UBA2: variants seen among roughly 807,000 people sequenced by gnomAD.
UBA2 encodes ubiquitin like modifier activating enzyme 2.
Under a neutral mutation model 77.2 loss-of-function variants are expected in UBA2, and 11 were observed. The observed-to-expected ratio is 0.14, with a 90% CI of 0.09 to 0.24. The LOEUF (loss-of-function observed/expected upper bound fraction) is 0.24. UBA2 is among the 10% of genes least tolerant of loss of function. The pLI is 1.00. For synonymous variants in UBA2, 278 were observed against 276.7 expected, an observed-to-expected ratio of 1.00 and a Z score of -0.05; for missense variants, 487 against 781.7, an observed-to-expected ratio of 0.62 and a Z score of 4.50.
chr19:34,447,177 T>G (rs1389304127), intron 8 of UBA2, among the ~76,000 whole-genome samples: 2 of 152,136 alleles, frequency 1.3e-5, no homozygotes, highest in Non-Finnish European at 2.9e-5. Context: ...GGGAGAAAGA[T>G]GTAGGCTGGG....
chr19:34,431,092 C>T (rs947841208), intron 2 of UBA2, among the ~76,000 whole-genome samples: 5 of 152,030 alleles, frequency 3.3e-5, no homozygotes, highest in Non-Finnish European at 5.9e-5. Context: ...TGCCTGTCTC[C>T]CAACCTGTTT....
At chr19:34,459,075 G>A in intron 13 of UBA2, 151 bp downstream of exon 13, 1 of 804,126 alleles carries the variant, frequency 1.2e-6, no homozygotes, top group South Asian at 2.6e-5. Context: ...ATTCCTGCAG[G>A]CTTTTCTGTC....
At chr19:34,447,237 T>C (rs2075442004) in intron 8 of UBA2, among the ~76,000 whole-genome samples, 1 of 152,176 alleles carries the variant, frequency 6.6e-6, no homozygotes, top group Admixed American at 6.5e-5. Flanking sequence ...CTGTATATTC[T>C]GGCCTCAATG....
chr19:34,446,397 G>A (rs2075430596), intron 8 of UBA2, among the ~76,000 whole-genome samples: 3 of 152,280 alleles, frequency 2.0e-5, no homozygotes, highest in South Asian at 4.1e-4. Context: ...ACTTTTGCAT[G>A]TGGTGTTTTG....
At chr19:34,449,972 T>C (rs1372792972) in intron 8 of UBA2, among the ~76,000 whole-genome samples, 1 of 152,174 alleles carries the variant, frequency 6.6e-6, no homozygotes, top group Non-Finnish European at 1.5e-5. Context: ...TGGAGCTAAA[T>C]TTAGGGAAGC....
chr19:34,438,135 T>C (rs2075329884), intron 5 of UBA2, among the ~76,000 whole-genome samples: 4 of 151,758 alleles, frequency 2.6e-5, no homozygotes, highest in African/African-American at 4.8e-5. Flanking sequence ...TAGGGAGATA[T>C]ATCTTGAAAT....
At chr19:34,462,589 C>T (rs964321804) in intron 14 of UBA2, among the ~76,000 whole-genome samples, 2 of 151,602 alleles carry the variant, frequency 1.3e-5, no homozygotes, top group East Asian at 1.9e-4. Context: ...TAGGGAAAGG[C>T]GTTCTAAGCG....
At chr19:34,458,558 CAAAAAAAAAAAAAAAAA>C (rs60349858) in intron 12 of UBA2, among the ~76,000 whole-genome samples, 194 bp from the exon 13 acceptor site, 33 of 60,634 alleles carry the variant, frequency 5.4e-4, no homozygotes, top group African/African-American at 1.1e-3. Flanking sequence ...GACTCCGTCT[CAAAAAAAAAAAAAAAAA>C]AAAAAAAAAA....
intron 16 of UBA2, 121 bp from the exon 17 acceptor site, chr19:34,468,919 C>A: frequency 1.0e-5 from 7 of 690,622 alleles, no homozygotes; most frequent in Admixed American, 3.8e-5. Flanking sequence ...AGTGAAAATG[C>A]AGCCATTCTT....
intron 16 of UBA2, 139 bp from the exon 17 acceptor site, chr19:34,468,901 A>G (rs1310658017): frequency 8.2e-6 from 5 of 610,882 alleles, no homozygotes; most frequent in Non-Finnish European, 1.3e-5. Flanking sequence ...GAAATACGTA[A>G]TGTGTAAAGT....
At chr19:34,463,778 A>G (rs1555731873) in intron 14 of UBA2, among the ~76,000 whole-genome samples, 1 of 152,066 alleles carries the variant, frequency 6.6e-6, no homozygotes, top group Non-Finnish European at 1.5e-5. Flanking sequence ...TCCTCCTCCT[A>G]TAAGGACATC....
In UBA2 at chr19:34,431,911, C is replaced by T. The variant is rs760010760; in HGVS notation, c.273C>T (p.Ala91=). The T allele has an allele frequency of 2.5e-6, 4 of 1,613,694 alleles. No individual in the cohort carries two copies. The highest frequency in any genetic ancestry group is 1.7e-4 in the Middle Eastern group (1 of 6,058). ...LQFYPKANIV[A]YHDSIMNPDY... ...TTTACCCGAAAGCTAATATCGTTGC[C>T]TACCATGACAGCATCATGAAGTATG... is the stretch of plus-strand genomic sequence containing the variant. Residue 91 remains alanine, a synonymous_variant, in exon 3 of 17, where the codon GCC becomes GCT. Transcript: ENST00000246548.
At position 34,460,449 on chromosome 19, in the gene UBA2, TC is replaced by T; in HGVS notation, c.1402-19del. Reference sequence around the variant, plus strand: ...TAATTACCTACGTTAATATTTTGAATCCTTTTTTTTTTTTTTGTAGATAGTG... The same window carrying T: ...TAATTACCTACGTTAATATTTTGAATCTTTTTTTTTTTTTTGTAGATAGTG... On this transcript the variant is annotated intron_variant, in intron 13 of 16. Coordinates refer to ENST00000246548, the MANE Select transcript of UBA2 (RefSeq NM_005499.3). 2.8e-6 allele frequency: 4 copies of T among 1,405,422 alleles called. No homozygotes were observed. Among genetic ancestry groups the T allele is most frequent in the South Asian group, 1.3e-5 (1 of 78,532 alleles). 87.1% of individuals were successfully genotyped at this position (1,405,422 alleles called of 1,614,324 possible).
chr19:34,467,141 T>C, intron 16 of UBA2, 127 bp downstream of exon 16: 4 of 1,154,560 alleles, frequency 3.5e-6, no homozygotes, highest in Non-Finnish European at 3.6e-6. Context: ...TTGGTATTGA[T>C]TGTTGTAATG....
intron 16 of UBA2, among the ~76,000 whole-genome samples, chr19:34,467,527 C>T (rs928322589): frequency 2.0e-5 from 3 of 151,360 alleles, no homozygotes; most frequent in South Asian, 4.2e-4. Flanking sequence ...GTAACCCCAA[C>T]GCTTTGGGAG....
At chr19:34,454,014 G>A (rs537286720) in intron 10 of UBA2, among the ~76,000 whole-genome samples, 2 of 152,154 alleles carry the variant, frequency 1.3e-5, no homozygotes, top group East Asian at 1.9e-4. Flanking sequence ...CTAGAAGCTG[G>A]TGATTCTTGG....
chr19:34,454,363 T>G lies in UBA2; in HGVS notation c.1132+10T>G. 6.2e-7 allele frequency: 1 copy of G among 1,606,320 alleles called. No individual in the cohort carries two copies. Among genetic ancestry groups the G allele is most frequent in the East Asian group, 2.2e-5 (1 of 44,788 alleles). ...AGATTTGATATCAAATGTAAGTTAT[T>G]TGTACTAAAGTTGTATCACTAAAAC... On this transcript the variant is annotated intron_variant, in intron 11 of 16. Coordinates refer to ENST00000246548, the MANE Select transcript of UBA2 (RefSeq NM_005499.3).
intron 5 of UBA2, among the ~76,000 whole-genome samples, chr19:34,435,842 G>A (rs1303957276): frequency 6.9e-6 from 1 of 144,862 alleles, no homozygotes; most frequent in Non-Finnish European, 1.5e-5. Flanking sequence ...AAAAAAGCCA[G>A]GCGTGATGGC....
At chr19:34,444,937 G>T in intron 7 of UBA2, 63 bp from the exon 8 acceptor site, 2 of 1,520,672 alleles carry the variant, frequency 1.3e-6, no homozygotes, top group South Asian at 2.5e-5. Context: ...TCCCAAAGGT[G>T]AGTGAAAAGA....
Sources: gnomAD v4.1 joint callset for allele counts (sites outside exome capture counted in the v4.1 genomes callset) on GRCh38, gnomAD v4.1.1 for gene constraint, MANE v1.5 for transcripts, NCBI Gene and HGNC (gene_info 2026-07-23, HGNC 2026-07-21) for gene names.